The following ADAMTS17 variants were observed in gnomAD, a reference collection of about 807,000 sequenced individuals.
The protein encoded by ADAMTS17 is ADAM metallopeptidase with thrombospondin type 1 motif 17.
ADAMTS17 carries 113 observed loss-of-function variants against 141.5 expected under a neutral mutation model. That is an observed-to-expected ratio of 0.80 (90% CI 0.69 to 0.93). The LOEUF (loss-of-function observed/expected upper bound fraction) is 0.93. Among genes scored for constraint, ADAMTS17 ranks in the 40% least tolerant of loss-of-function variants. The pLI is 0.00. For synonymous variants in ADAMTS17, 768 were observed against 630.6 expected, an observed-to-expected ratio of 1.22 and a Z score of -3.27; for missense variants, 1,659 against 1,517.9, an observed-to-expected ratio of 1.09 and a Z score of -1.54.
chr15:99,989,025 C>A (rs62040996), intron 20 of ADAMTS17, among the ~76,000 whole-genome samples: 4,773 of 152,312 alleles, frequency 0.031, 104 homozygotes, highest in Non-Finnish European at 0.048. Context: ...GACAGCCAGG[C>A]CTTGGAGCCC....
chr15:100,274,970 A>G (rs1219433385), intron 4 of ADAMTS17, among the ~76,000 whole-genome samples: 1 of 152,240 alleles, frequency 6.6e-6, no homozygotes, highest in Admixed American at 6.5e-5. Context: ...CTTCAGTGGC[A>G]TTAAAAACCT....
chr15:100,130,434 A>C (rs971341376), intron 12 of ADAMTS17, among the ~76,000 whole-genome samples: 27 of 152,176 alleles, frequency 1.8e-4, no homozygotes, highest in African/African-American at 5.5e-4. Context: ...TGGGTGCTAG[A>C]GGGAAATGTT....
In ADAMTS17 at chr15:100,155,229, C is replaced by T. The variant is rs1029449245; in HGVS notation, c.1273G>A (p.Asp425Asn). 7 of 1,614,068 alleles carry T rather than the reference C, an allele frequency of 4.3e-6. No individual in the cohort carries two copies. The highest frequency in any genetic ancestry group is 5.1e-6 in the Non-Finnish European group (6 of 1,180,050). Residue 425 changes from aspartate (D) to asparagine (N), a missense_variant, in exon 9 of 22, where the codon GAC becomes AAC. Asp to Asn is a conservative substitution (Grantham distance 23). Coordinates refer to ENST00000268070, the MANE Select transcript of ADAMTS17 (RefSeq NM_139057.4). ...GEWVKGRNPS[D>N]LSWSSCSRDD... The stretch of plus-strand genomic sequence containing the variant: ...CGGCTGCAGGAGGACCAAGAGAGGT[C>T]ACTTGGGTTCCGGCCTTTCACCCAC...
At chr15:100,296,370 C>T (rs1384565544) in intron 3 of ADAMTS17, among the ~76,000 whole-genome samples, 1 of 152,108 alleles carries the variant, frequency 6.6e-6, no homozygotes, top group Non-Finnish European at 1.5e-5. Context: ...AAGTTTTCCA[C>T]AGCTGCATAA....
chr15:100,146,436 C>G (rs1389811026), intron 10 of ADAMTS17, among the ~76,000 whole-genome samples: 1 of 152,210 alleles, frequency 6.6e-6, no homozygotes, highest in Non-Finnish European at 1.5e-5. Context: ...CCAATCAATA[C>G]CCTTGTGATT....
intron 6 of ADAMTS17, among the ~76,000 whole-genome samples, chr15:100,256,182 G>A (rs1329791935): frequency 6.6e-6 from 1 of 152,138 alleles, no homozygotes; most frequent in Non-Finnish European, 1.5e-5. Flanking sequence ...GGGACTGTAG[G>A]GTTCACTTCA....
intron 14 of ADAMTS17, among the ~76,000 whole-genome samples, chr15:100,104,063 T>C (rs1323521372): frequency 6.6e-6 from 1 of 152,222 alleles, no homozygotes; most frequent in Non-Finnish European, 1.5e-5. Flanking sequence ...TTGGAGAATG[T>C]TGGCTACAGG....
chr15:100,086,111 G>A (rs560859298), intron 15 of ADAMTS17, among the ~76,000 whole-genome samples: 7 of 152,180 alleles, frequency 4.6e-5, no homozygotes, highest in Non-Finnish European at 8.8e-5. Context: ...CACCTCATGT[G>A]CAGAGACACA....
intron 7 of ADAMTS17, among the ~76,000 whole-genome samples, chr15:100,219,645 GCTCA>G (rs1196102572): frequency 6.6e-6 from 1 of 152,162 alleles, no homozygotes; most frequent in South Asian, 2.1e-4. Flanking sequence ...CTTCTAGTTG[GCTCA>G]CTCAAAGTCT....
chr15:100,271,533 C>G (rs1043020647), intron 4 of ADAMTS17, among the ~76,000 whole-genome samples: 1 of 125,618 alleles, frequency 8.0e-6, no homozygotes, highest in Admixed American at 9.0e-5. Context: ...ATTTGTACAT[C>G]TTCTTCGTAA....
rs375811922 is a variant in ADAMTS17, at chr15:100,298,343, C to T, written c.617-16942G>A. On this transcript the variant is annotated intron_variant, in intron 3 of 21. Coordinates refer to ENST00000268070, the MANE Select transcript of ADAMTS17 (RefSeq NM_139057.4). ...GCTCCAGACTCCCAGCCAGGAAGAA[C>T]GAGGCTTCTACTGCACTCATACCAA... Among the ~76,000 whole-genome samples, 3 of 152,244 alleles carry T rather than the reference C, an allele frequency of 2.0e-5. No individual in the cohort carries two copies. The East Asian group carries it at 5.8e-4, about 29-fold the overall frequency.
chr15:100,229,315 C>T (rs1458089867), intron 7 of ADAMTS17, among the ~76,000 whole-genome samples: 1 of 149,520 alleles, frequency 6.7e-6, no homozygotes, highest in Non-Finnish European at 1.5e-5. Flanking sequence ...TGACCATTGA[C>T]TGGACTCCCA....
chr15:100,118,257 A>G (rs2037264427), intron 12 of ADAMTS17, among the ~76,000 whole-genome samples: 1 of 152,246 alleles, frequency 6.6e-6, no homozygotes, highest in African/African-American at 2.4e-5. Flanking sequence ...GTGTCCCAAT[A>G]AAACTTTATA....
intron 7 of ADAMTS17, among the ~76,000 whole-genome samples, chr15:100,237,056 T>C (rs562568304): frequency 6.6e-6 from 1 of 152,138 alleles, no homozygotes; most frequent in African/African-American, 2.4e-5. Context: ...GCAAGCCAAA[T>C]TCCTCAGGCC....
chr15:100,135,620 A>G (rs751779146), intron 10 of ADAMTS17, among the ~76,000 whole-genome samples: 2 of 152,190 alleles, frequency 1.3e-5, no homozygotes, highest in African/African-American at 2.4e-5. Context: ...GGCAACTGTA[A>G]GAACACAAGA....
intron 18 of ADAMTS17, among the ~76,000 whole-genome samples, chr15:100,036,768 C>T (rs1256780677): frequency 1.3e-5 from 2 of 152,160 alleles, no homozygotes; most frequent in East Asian, 1.9e-4. Flanking sequence ...ACTAGGCACC[C>T]ACCCATCTAC....
At chr15:100,225,390 G>A (rs1470305151) in intron 7 of ADAMTS17, among the ~76,000 whole-genome samples, 3 of 152,250 alleles carry the variant, frequency 2.0e-5, no homozygotes, top group Non-Finnish European at 2.9e-5. Context: ...GAGCTTCCCC[G>A]ATGGTTCAGA....
chr15:100,004,670 G>A (rs1000445973), intron 18 of ADAMTS17, among the ~76,000 whole-genome samples: 1 of 149,212 alleles, frequency 6.7e-6, no homozygotes. Context: ...GCCCAGGCTG[G>A]AGTGCAATGG....
At chr15:100,075,873 G>C (rs1327298526) in intron 15 of ADAMTS17, among the ~76,000 whole-genome samples, 2 of 152,080 alleles carry the variant, frequency 1.3e-5, no homozygotes, top group African/African-American at 4.8e-5. Flanking sequence ...TCATAGTGCT[G>C]ATTTTCTCTG....
Sources: gnomAD v4.1 joint callset for allele counts (sites outside exome capture counted in the v4.1 genomes callset) on GRCh38, gnomAD v4.1.1 for gene constraint, MANE v1.5 for transcripts, NCBI Gene and HGNC (gene_info 2026-07-23, HGNC 2026-07-21) for gene names.